The following MID1 variants were observed in gnomAD, a reference collection of about 807,000 sequenced individuals.
MID1 encodes the protein midline 1, also known as E3 ubiquitin-protein ligase Midline-1.
In MID1, 7 loss-of-function variants were observed where a neutral mutation model predicts 40.4. That is an observed-to-expected ratio of 0.17 (90% CI 0.10 to 0.33). The LOEUF (loss-of-function observed/expected upper bound fraction) is 0.33. Among genes scored for constraint, MID1 ranks in the 10% least tolerant of loss-of-function variants. The pLI is 1.00. For missense variants in MID1, 367 were observed against 558.5 expected (o/e 0.66, Z 3.46); for synonymous variants, 229 against 221.2 (o/e 1.04, Z -0.31).
intron 1 of MID1, among the ~76,000 whole-genome samples, chrX:10,789,439 G>A (rs2043913427): frequency 8.9e-6 from 1 of 111,958 alleles, no homozygotes; most frequent in African/African-American, 3.3e-5. Flanking sequence ...CTTTACAGGT[G>A]TACCATTTTT....
At chrX:10,482,129 T>C (rs897491131) in intron 5 of MID1, among the ~76,000 whole-genome samples, 26 of 111,883 alleles carry the variant, frequency 2.3e-4, no homozygotes, top group Non-Finnish European at 2.8e-4. Flanking sequence ...TCATTTTGAC[T>C]CTTTGTTATC....
At chrX:10,699,570 G>T (rs772149880) in intron 1 of MID1, among the ~76,000 whole-genome samples, 1 of 111,456 alleles carries the variant, frequency 9.0e-6, no homozygotes, top group East Asian at 2.8e-4. Flanking sequence ...TTGATAGAAG[G>T]GGCTGATCTT....
In MID1 at chrX:10,449,222, C is replaced by A; in HGVS notation, c.*146G>T. The A allele has an allele frequency of 4.3e-6, 2 of 464,897 alleles. No homozygotes were observed. Among genetic ancestry groups the A allele is most frequent in the Non-Finnish European group, 7.5e-6 (2 of 266,762 alleles). The allele number at this position is 464,897 out of a possible 1,213,427, so 38.3% of individuals were successfully genotyped here. On this transcript the variant is annotated 3_prime_UTR_variant, in exon 10 of 10. Coordinates refer to ENST00000317552, the MANE Select transcript of MID1 (RefSeq NM_000381.4). ...CAAGACACAGTAAAAGGAGAGGAAT[C>A]TCTTGTTTTGAGCCCTATCTGAGCC...
At chrX:10,578,991 A>G (rs1005162399) in intron 1 of MID1, among the ~76,000 whole-genome samples, 2 of 112,641 alleles carry the variant, frequency 1.8e-5, no homozygotes, top group African/African-American at 6.5e-5. Flanking sequence ...GTAGTTATAT[A>G]CAATGTGCAT....
intron 7 of MID1, chrX:10,460,094 A>G: frequency 2.1e-5 from 8 of 378,516 alleles, no homozygotes; most frequent in South Asian, 2.1e-4. Flanking sequence ...AATTTGGTCA[A>G]GTGACTTGCT....
intron 7 of MID1, among the ~76,000 whole-genome samples, chrX:10,467,723 G>A (rs532766019): frequency 8.9e-6 from 1 of 112,087 alleles, no homozygotes; most frequent in African/African-American, 3.2e-5. Context: ...TATGGCCTGG[G>A]TAGCCCTCTG....
intron 1 of MID1, among the ~76,000 whole-genome samples, chrX:10,594,123 G>C (rs773740450): frequency 9.0e-6 from 1 of 111,352 alleles, no homozygotes. Context: ...GGACTGTATT[G>C]TAAGGCATAT....
intron 1 of MID1, among the ~76,000 whole-genome samples, chrX:10,639,355 T>C: frequency 8.9e-6 from 1 of 111,781 alleles, no homozygotes; most frequent in Non-Finnish European, 1.9e-5. Flanking sequence ...GCATGAGAAC[T>C]ACGTGATGCA....
intron 1 of MID1, among the ~76,000 whole-genome samples, chrX:10,646,539 G>T (rs143859521): frequency 9.0e-6 from 1 of 111,218 alleles, no homozygotes; most frequent in Non-Finnish European, 1.9e-5. Flanking sequence ...AAACCATAGG[G>T]GAAGGAAATT....
At chrX:10,690,198 G>T (rs1470324322) in intron 1 of MID1, among the ~76,000 whole-genome samples, 1 of 111,685 alleles carries the variant, frequency 9.0e-6, no homozygotes, top group African/African-American at 3.3e-5. Context: ...AGGTCAACAC[G>T]ATTTGCAACT....
chrX:10,807,002 T>G (rs975857736), intron 1 of MID1, among the ~76,000 whole-genome samples: 13 of 111,978 alleles, frequency 1.2e-4, no homozygotes, highest in Non-Finnish European at 2.3e-4. Context: ...CCAGCACTTT[T>G]GGAGGCCAAG....
rs2044041519 is a variant in MID1, at chrX:10,805,816, G to A, written c.-187+27738C>T. Reference sequence around the variant, plus strand: ...TGGTTTTGATTTGCATTTCTCTGATGGCCAGTGATGGTGAGCATTTTTTCA... The same window carrying A: ...TGGTTTTGATTTGCATTTCTCTGATAGCCAGTGATGGTGAGCATTTTTTCA... On this transcript the variant is annotated intron_variant, in intron 1 of 10. Transcript: ENST00000380785. 3.7e-5 allele frequency among the ~76,000 whole-genome samples: 4 copies of A among 107,240 alleles called. No homozygotes were observed. The South Asian group carries it at 1.7e-3, about 45-fold the overall frequency. 93.1% of individuals were successfully genotyped at this position (107,240 alleles called of 115,157 possible).
intron 1 of MID1, among the ~76,000 whole-genome samples, chrX:10,638,345 A>G (rs1936145242): frequency 8.9e-6 from 1 of 112,376 alleles, no homozygotes; most frequent in Admixed American, 9.4e-5. Flanking sequence ...CAAACGGCAC[A>G]CCAGGAGATT....
intron 1 of MID1, among the ~76,000 whole-genome samples, chrX:10,829,187 CA>C (rs1442226469): frequency 8.9e-6 from 1 of 112,112 alleles, no homozygotes; most frequent in Non-Finnish European, 1.9e-5. Flanking sequence ...ATTAGATACT[CA>C]GGGGGAGAAA....
intron 1 of MID1, among the ~76,000 whole-genome samples, chrX:10,736,843 AT>A (rs1277601648): frequency 2.0e-4 from 22 of 112,002 alleles, no homozygotes; most frequent in Non-Finnish European, 3.6e-4. Context: ...CAAATTCCTC[AT>A]TTTTTATCCC....
At chrX:10,476,441 T>C (rs1930017983) in intron 5 of MID1, among the ~76,000 whole-genome samples, 2 of 111,052 alleles carry the variant, frequency 1.8e-5, no homozygotes, top group African/African-American at 6.6e-5. Context: ...CCCAAAGTGC[T>C]GGGATTACAG....
chrX:10,779,300 C>T (rs2043828723), intron 1 of MID1, among the ~76,000 whole-genome samples: 1 of 111,848 alleles, frequency 8.9e-6, no homozygotes, highest in Admixed American at 9.4e-5. Flanking sequence ...CTCACCTCAG[C>T]TTCCCGAGTA....
chrX:10,785,810 A>G, intron 1 of MID1, among the ~76,000 whole-genome samples: 1 of 112,334 alleles, frequency 8.9e-6, no homozygotes, highest in East Asian at 2.8e-4. Context: ...TTATACAAAA[A>G]TTAATTCAAG....
intron 1 of MID1, among the ~76,000 whole-genome samples, chrX:10,583,102 A>G (rs987382175): frequency 3.6e-5 from 4 of 111,379 alleles, no homozygotes; most frequent in African/African-American, 1.3e-4. Flanking sequence ...CTTTCATTCC[A>G]CTGGTATTTT....
Sources: allele counts gnomAD v4.1 joint callset (sites outside exome capture counted in the v4.1 genomes callset), GRCh38; gene constraint gnomAD v4.1.1; transcripts MANE v1.5; gene names NCBI Gene and HGNC (gene_info 2026-07-23, HGNC 2026-07-21).